Variants in KEL observed in about 807,000 individuals in gnomAD.
KEL encodes the protein Kell metallo-endopeptidase (Kell blood group), also known as kell blood group glycoprotein.
In KEL, 96 loss-of-function variants were observed where a neutral mutation model predicts 99.5. The ratio of observed to expected loss-of-function variants is 0.97; its 90% CI spans 0.82 to 1.14. The LOEUF is 1.14. Ranked by LOEUF, KEL falls within the 50% of genes most tolerant of loss-of-function variation. The probability of loss-of-function intolerance (pLI) is 0.00; values close to 1 mark genes in which losing one functional copy is unlikely to be tolerated. For synonymous variants in KEL, 355 were observed against 354.8 expected (o/e 1.00, Z -0.01); for missense variants, 926 against 924.2 (o/e 1.00, Z -0.03).
chr7:142,960,356 C>G (rs1796926019), intron 4 of KEL, among the ~76,000 whole-genome samples: 1 of 152,056 alleles, frequency 6.6e-6, no homozygotes, highest in South Asian at 2.1e-4. Context: ...AATGGAGAAG[C>G]AAGAAGCAAG....
At position 142,946,267 on chromosome 7, in the gene KEL, G is replaced by A. The variant is rs762287730; in HGVS notation, c.1254C>T (p.Phe418=). The change falls in exon 11 of 19, where the codon TTC becomes TTT. Residue 418 remains phenylalanine, a synonymous_variant. Coordinates refer to ENST00000355265, the MANE Select transcript of KEL (RefSeq NM_000420.3). ...CAAACAAAGCCGCCAGCGTGGGCTC[G>A]AAGAACGTGCCTGTCTCCTCCACGC... ...MKCVEETGTF[F]EPTLAALFVR... is the part of the protein sequence containing the mutation. The A allele has an allele frequency of 3.9e-5, 63 of 1,614,010 alleles. No individual in the cohort carries two copies. In the South Asian group the frequency reaches 5.6e-4, roughly 14 times the overall value.
In KEL at chr7:142,962,291, CG is replaced by C; in HGVS notation, c.-86del. On this transcript the variant is annotated 5_prime_UTR_variant, in exon 1 of 19. Transcript: ENST00000355265. ...GGACTGGGGTCCAGGAAACACCCCC[CG>C]CCCCAGTTCCTTGATCCTGGAGAAG... 6.7e-7 allele frequency: 1 copy of C among 1,482,782 alleles called. No homozygotes were observed. 91.9% of individuals were successfully genotyped at this position (1,482,782 alleles called of 1,614,324 possible).
Position 142,942,979 on chromosome 7 carries a change from G to A in KEL, c.1837C>T (p.Arg613Cys), listed in dbSNP as rs751958640. 7 of 1,614,068 alleles carry A rather than the reference G, an allele frequency of 4.3e-6. No individual in the cohort carries two copies. The highest frequency in any genetic ancestry group is 1.1e-5 in the South Asian group (1 of 91,086). The change falls in exon 17 of 19, where the codon CGC becomes TGC. Residue 613 changes from arginine (R) to cysteine (C), a missense_variant. Arg to Cys is a radical substitution (Grantham distance 180, BLOSUM62 -3). Transcript: ENST00000355265. ...ALQEAHLCLK[R>C]HYAAFPLPSR... ...GGTAATGGAAAGGCAGCATAATGGC[G>A]CTTCAGGCACAGGTGAGCTTCCTGG...
chr7:142,961,741 A>G lies in KEL; in HGVS notation c.81+54T>C, dbSNP rs1796964235. On this transcript the variant is annotated intron_variant, in intron 2 of 18. Coordinates refer to ENST00000355265, the MANE Select transcript of KEL (RefSeq NM_000420.3). ...TAGATGAGTGTTTGTGGGATTTTAG[A>G]GCCGAGAGTGACAACATCAGTGTAT... 18 of 1,477,844 alleles carry G rather than the reference A, an allele frequency of 1.2e-5. No individual in the cohort carries two copies. The East Asian group carries it at 1.8e-4, about 15-fold the overall frequency. 91.5% of individuals were successfully genotyped at this position (1,477,844 alleles called of 1,614,324 possible).
intron 11 of KEL, among the ~76,000 whole-genome samples, chr7:142,945,639 T>TC (rs1335109121): frequency 6.6e-6 from 1 of 152,100 alleles, no homozygotes; most frequent in African/African-American, 2.4e-5. Flanking sequence ...TTCCTTTTTT[T>TC]TTTTTGGAGA....
Position 142,942,643 on chromosome 7 carries a change from T to A in KEL, c.1942-114A>T, listed in dbSNP as rs8176042. The A allele has an allele frequency of 4.2e-3, 3,723 of 890,172 alleles. 83 individuals are homozygous for A. In the African/African-American group the frequency reaches 0.054, roughly 13 times the overall value. 55.1% of individuals were successfully genotyped at this position (890,172 alleles called of 1,614,324 possible). ...CCTTGCTCACTGGTTCTGCACTGACTAGTTGATCTGAGCCAGAAGAAAGAG... is the reference window on the plus strand; with the variant it reads ...CCTTGCTCACTGGTTCTGCACTGACAAGTTGATCTGAGCCAGAAGAAAGAG... On this transcript the variant is annotated intron_variant, in intron 17 of 18. Transcript: ENST00000355265.
intron 6 of KEL, among the ~76,000 whole-genome samples, chr7:142,956,657 G>A (rs1207190481): frequency 6.6e-6 from 1 of 152,052 alleles, no homozygotes; most frequent in African/African-American, 2.4e-5. Flanking sequence ...ACGCCCCATA[G>A]CTTCACCTCC....
At chr7:142,942,731 C>T (rs1796394201) in intron 17 of KEL, 144 bp downstream of exon 17, 2 of 1,085,994 alleles carry the variant, frequency 1.8e-6, no homozygotes, top group South Asian at 1.3e-5. Context: ...AGGGGGATCC[C>T]CAAGTTGCCG....
In KEL at chr7:142,957,937, AG is replaced by A. The variant is rs762055174; in HGVS notation, c.561del (p.Leu188Ter). On this transcript the variant is annotated frameshift_variant, in exon 6 of 19. Coordinates refer to ENST00000355265, the MANE Select transcript of KEL (RefSeq NM_000420.3). LOFTEE classifies it high-confidence loss of function. Reference sequence around the variant, plus strand: ...AGTCTCAGCGTTCGGTTAAAGTTTAAGGAAGTCCATTTACCAGAGATGCGCC... The same window carrying A: ...AGTCTCAGCGTTCGGTTAAAGTTTAAGAAGTCCATTTACCAGAGATGCGCC... Reference protein sequence around the residue: ...GGWRISGKWTSLNFNRTLRLL... With the variant: ...GGWRISGKWTXLNFNRTLRLL... 1 of 1,614,148 alleles carries A rather than the reference AG, an allele frequency of 6.2e-7. No homozygotes were observed. Among genetic ancestry groups the A allele is most frequent in the East Asian group, 2.2e-5 (1 of 44,876 alleles).
chr7:142,961,209 T>G (rs1285161998), intron 3 of KEL, 105 bp from the exon 4 acceptor site: 1 of 1,517,836 alleles, frequency 6.6e-7, no homozygotes, highest in African/African-American at 1.4e-5. Context: ...GGGGAGCTGA[T>G]GAAAAAGAAA....
At position 142,962,319 on chromosome 7, in the gene KEL, G is replaced by A; in HGVS notation, c.-113C>T. 5 of 1,228,154 alleles carry A rather than the reference G, an allele frequency of 4.1e-6. No individual in the cohort carries two copies. The highest frequency in any genetic ancestry group is 4.8e-6 in the Non-Finnish European group (4 of 830,890). The allele number at this position is 1,228,154 out of a possible 1,614,324, so 76.1% of individuals were successfully genotyped here. On this transcript the variant is annotated 5_prime_UTR_variant, in exon 1 of 19. Coordinates refer to ENST00000355265, the MANE Select transcript of KEL (RefSeq NM_000420.3). ...CCCAGTTCCTTGATCCTGGAGAAGG[G>A]GCACTTCTGCTGCTCTTTCGCCTTG... is the stretch of plus-strand genomic sequence containing the variant.
In KEL at chr7:142,961,339, G is replaced by A. The variant is rs202136703; in HGVS notation, c.223+21C>T. The A allele has an allele frequency of 2.5e-6, 4 of 1,612,864 alleles. No individual in the cohort carries two copies. In the African/African-American group the frequency reaches 4.0e-5, roughly 16 times the overall value. Reference sequence around the variant, plus strand: ...GCTGGGGGAGGGCTGACTAGGTTAGGGGGTCTGGGATCTTGCTTACGAGGG... The same window carrying A: ...GCTGGGGGAGGGCTGACTAGGTTAGAGGGTCTGGGATCTTGCTTACGAGGG... On this transcript the variant is annotated intron_variant, in intron 3 of 18. Coordinates refer to ENST00000355265, the MANE Select transcript of KEL (RefSeq NM_000420.3).
Position 142,943,894 on chromosome 7 carries a change from G to A in KEL, c.1492-11C>T. The A allele has an allele frequency of 6.2e-7, 1 of 1,610,580 alleles. No homozygotes were observed. Among genetic ancestry groups the A allele is most frequent in the Non-Finnish European group, 8.5e-7 (1 of 1,176,976 alleles). On this transcript the variant is annotated splice_polypyrimidine_tract_variant and intron_variant, in intron 13 of 18. Transcript: ENST00000355265. ...CGATCCAAGCTGTATCTGGGGAAGA[G>A]GCAGGAGGTGACTTGGGCACACAGA...
intron 11 of KEL, chr7:142,945,017 G>A (rs1238036785): frequency 9.4e-6 from 5 of 533,264 alleles, no homozygotes; most frequent in Non-Finnish European, 1.7e-5. Flanking sequence ...TGACACAGGA[G>A]AAAGACAGTG....
rs1194784105 is a variant in KEL, at chr7:142,957,887, G to A, written c.612C>T (p.Phe204=). Reference sequence around the variant, plus strand: ...GTCCTAGGTAGGCTCTGAAGAAAGGGAAATGGCCATACTGACTCATCAGAA... The same window carrying A: ...GTCCTAGGTAGGCTCTGAAGAAAGGAAAATGGCCATACTGACTCATCAGAA... ...LRLLMSQYGH[F]PFFRAYLGPH... The change falls in exon 6 of 19, where the codon TTC becomes TTT. Residue 204 remains phenylalanine, a synonymous_variant. Transcript: ENST00000355265. The A allele has an allele frequency of 6.2e-7, 1 of 1,614,132 alleles. No individual in the cohort carries two copies. The highest frequency in any genetic ancestry group is 2.2e-5 in the East Asian group (1 of 44,868).
At chr7:142,946,381 G>T in intron 10 of KEL, 64 bp from the exon 11 acceptor site, 2 of 1,248,880 alleles carry the variant, frequency 1.6e-6, no homozygotes, top group Non-Finnish European at 2.3e-6. Flanking sequence ...TGTCTCCCCA[G>T]TCTTCACTAG....
In KEL at chr7:142,942,441, T is replaced by C. The variant is rs147464117; in HGVS notation, c.2030A>G (p.Tyr677Cys). The change falls in exon 18 of 19, where the codon TAT becomes TGT. Residue 677 changes from tyrosine (Y) to cysteine (C), a missense_variant. Transcript: ENST00000355265. ...GAGGTGGCCGCTGCCTACCTGGGCA[T>C]AGCTTCGAAAGAAGATCTGCTGGGG... ...LSPQQIFFRS[Y>C]AQVMCRKPSP... 4.6e-5 allele frequency: 74 copies of C among 1,591,712 alleles called. 1 individual carries two copies. Among genetic ancestry groups the C allele is most frequent in the Non-Finnish European group, 6.1e-5 (71 of 1,167,602 alleles).
chr7:142,948,590 G>A (rs1796594033), intron 10 of KEL, among the ~76,000 whole-genome samples: 1 of 152,130 alleles, frequency 6.6e-6, no homozygotes, highest in Non-Finnish European at 1.5e-5. Flanking sequence ...TCATTAAACA[G>A]TTTTTTAACA....
Position 142,962,287 on chromosome 7 carries a change from C to G in KEL, c.-81G>C, listed in dbSNP as rs530527828. 3 of 1,514,984 alleles carry G rather than the reference C, an allele frequency of 2.0e-6. No homozygotes were observed. Among genetic ancestry groups the G allele is most frequent in the Non-Finnish European group, 2.8e-6 (3 of 1,090,028 alleles). The allele number at this position is 1,514,984 out of a possible 1,614,324, so 93.8% of individuals were successfully genotyped here. A position where few individuals can be genotyped will look rare whatever the true frequency, so the allele number is the denominator to read the frequency against. Reference sequence around the variant, plus strand: ...CGGAGGACTGGGGTCCAGGAAACACCCCCCGCCCCAGTTCCTTGATCCTGG... The same window carrying G: ...CGGAGGACTGGGGTCCAGGAAACACGCCCCGCCCCAGTTCCTTGATCCTGG... On this transcript the variant is annotated 5_prime_UTR_variant, in exon 1 of 19. Transcript: ENST00000355265.
Sources: gnomAD v4.1 joint callset for allele counts (sites outside exome capture counted in the v4.1 genomes callset) on GRCh38, gnomAD v4.1.1 for gene constraint, MANE v1.5 for transcripts, NCBI Gene and HGNC (gene_info 2026-07-23, HGNC 2026-07-21) for gene names.